Variants in ENO3 observed in about 807,000 individuals in gnomAD.
ENO3 encodes the protein enolase 3.
A neutral mutation model predicts 47.7 loss-of-function variants in ENO3; 46 were observed. The observed-to-expected ratio is 0.96, with a 90% CI of 0.76 to 1.23. The LOEUF is 1.23. Ranked by LOEUF, ENO3 falls within the 50% of genes most tolerant of loss-of-function variation. ENO3 has a pLI of 0.00. For synonymous variants in ENO3, 223 were observed against 225.9 expected (o/e 0.99, Z 0.11); for missense variants, 575 against 566.2 (o/e 1.02, Z -0.16).
At chr17:4,949,076 G>T (rs1267694599), upstream of ENO3, 1 of 152,026 alleles carries the variant, frequency 6.6e-6, no homozygotes, top group Non-Finnish European at 1.5e-5. Flanking sequence ...GACCCGTGTG[G>T]ACCCTGCGGG....
At position 4,956,959 on chromosome 17, in the gene ENO3, A is replaced by G. The variant is rs779826668; in HGVS notation, c.1236-19A>G. The G allele has an allele frequency of 5.6e-6, 9 of 1,614,098 alleles. No homozygotes were observed. Among genetic ancestry groups the G allele is most frequent in the South Asian group, 1.1e-5 (1 of 91,094 alleles). The stretch of plus-strand genomic sequence containing the variant: ...GTTAGGTTGGAAGTTCAGCAGCCCT[A>G]ACCTTGCCTGCATTCTAGGATCGAG... On this transcript the variant is annotated intron_variant, in intron 11 of 11. Coordinates refer to ENST00000519602, the MANE Select transcript of ENO3 (RefSeq NM_053013.4).
upstream of ENO3, chr17:4,950,502 G>C (rs1207901724): frequency 6.4e-6 from 6 of 940,862 alleles, no homozygotes; most frequent in Non-Finnish European, 7.6e-6. Flanking sequence ...GTTATCAGTC[G>C]GGCGCCTTGC....
At position 4,951,917 on chromosome 17, in the gene ENO3, A is replaced by G. The variant is rs771033376; in HGVS notation, c.85+3A>G. ...GGTGGACCTGCACACGGCCAAGGGT[A>G]ACACAAGGCCCATTGGATAGGCTCG... On this transcript the variant is annotated splice_donor_region_variant and intron_variant, in intron 2 of 11. Coordinates refer to ENST00000519602, the MANE Select transcript of ENO3 (RefSeq NM_053013.4). The G allele has an allele frequency of 9.3e-6, 15 of 1,614,112 alleles. No individual in the cohort carries two copies. Among genetic ancestry groups the G allele is most frequent in the Non-Finnish European group, 1.3e-5 (15 of 1,179,968 alleles).
Position 4,953,284 on chromosome 17 carries a change from G to A in ENO3, c.253G>A (p.Val85Met). The change falls in exon 5 of 12, where the codon GTG becomes ATG. Residue 85 changes from valine (V) to methionine (M), a missense_variant. Val to Met is a conservative substitution (Grantham distance 21). Coordinates refer to ENST00000519602, the MANE Select transcript of ENO3 (RefSeq NM_053013.4). ...PALLQKKLSV[V>M]DQEKVDKFMI... ...CTCACCCTTCCAGAAACTAAGCGTT[G>A]TGGATCAAGAAAAAGTTGACAAATT... The A allele has an allele frequency of 1.2e-6, 2 of 1,614,232 alleles. No homozygotes were observed. Among genetic ancestry groups the A allele is most frequent in the Non-Finnish European group, 1.7e-6 (2 of 1,180,046 alleles).
intron 2 of ENO3, 53 bp downstream of exon 2, chr17:4,951,967 C>G: frequency 6.3e-7 from 1 of 1,586,088 alleles, no homozygotes; most frequent in Non-Finnish European, 8.7e-7. Context: ...AACCCTTTGG[C>G]CTTTGCCCCC....
In ENO3 at chr17:4,953,816, G is replaced by A. The variant is rs1166269796; in HGVS notation, c.415G>A (p.Gly139Arg). The change falls in exon 6 of 12, where the codon GGG (glycine) becomes AGG (arginine). Residue 139 changes from glycine to arginine, a missense_variant. Physicochemically the swap from Gly to Arg is moderately radical, Grantham distance 125 (BLOSUM62 -2). Transcript: ENST00000519602. ...PLYRHIADLA[G>R]NPDLILPVPA... is the part of the protein sequence containing the mutation. ...GTACCGCCACATCGCAGATCTCGCTGGGAACCCTGACCTCATACTCCCAGT... is the reference window on the plus strand; with the variant it reads ...GTACCGCCACATCGCAGATCTCGCTAGGAACCCTGACCTCATACTCCCAGT... 6.2e-7 allele frequency: 1 copy of A among 1,614,152 alleles called. No individual in the cohort carries two copies. The highest frequency in any genetic ancestry group is 2.2e-5 in the East Asian group (1 of 44,876).
upstream of ENO3, chr17:4,948,777 G>A: frequency 4.3e-6 from 1 of 234,636 alleles, no homozygotes; most frequent in Non-Finnish European, 8.3e-6. Context: ...GGTAGGGTTT[G>A]CTCCAATTTG....
At position 4,951,686 on chromosome 17, in the gene ENO3, C is replaced by G. The variant is rs749762979; in HGVS notation, c.-2-142C>G. 48 of 895,644 alleles carry G rather than the reference C, an allele frequency of 5.4e-5. No individual in the cohort carries two copies. In the South Asian group the frequency reaches 6.3e-4, roughly 12 times the overall value. The allele number at this position is 895,644 out of a possible 1,614,324, so 55.5% of individuals were successfully genotyped here. Reference sequence around the variant, plus strand: ...GTGGGGGAGGGGGCTGCGCCTGCCTCTTTGGTCTGTGACCTTTTTGTAGGG... The same window carrying G: ...GTGGGGGAGGGGGCTGCGCCTGCCTGTTTGGTCTGTGACCTTTTTGTAGGG... On this transcript the variant is annotated intron_variant, in intron 1 of 11. Coordinates refer to ENST00000519602, the MANE Select transcript of ENO3 (RefSeq NM_053013.4).
chr17:4,952,272 G>A (rs1210436852), intron 2 of ENO3: 2 of 368,650 alleles, frequency 5.4e-6, no homozygotes, highest in Non-Finnish European at 1.1e-5. Context: ...TGCCTCCCGG[G>A]TTTAAGTGAT....
intron 4 of ENO3, 37 bp downstream of exon 4, chr17:4,953,146 C>G: frequency 6.2e-7 from 1 of 1,614,024 alleles, no homozygotes; most frequent in Non-Finnish European, 8.5e-7. Flanking sequence ...GCCTCCTCCC[C>G]ATGCCCCTGC....
rs2151141690 is a variant in ENO3, at chr17:4,954,087, G to A, written c.444+242G>A. ...CCAGTTCCTTCCCATTCCAATCCTA[G>A]GCTCGATAACTCCAGCCTCGTTCCA... On this transcript the variant is annotated intron_variant, in intron 6 of 11. Transcript: ENST00000519602. 6.1e-5 allele frequency: 38 copies of A among 623,366 alleles called. No individual in the cohort carries two copies. The South Asian group carries it at 7.3e-4, about 12-fold the overall frequency. 38.6% of individuals were successfully genotyped at this position (623,366 alleles called of 1,614,324 possible). A position where few individuals can be genotyped will look rare whatever the true frequency, so the allele number is the denominator to read the frequency against.
Position 4,956,608 on chromosome 17 carries a change from T to TG in ENO3, c.1105dup (p.Val369GlyfsTer9). The TG allele has an allele frequency of 6.2e-7, 1 of 1,614,180 alleles. No homozygotes were observed. The highest frequency in any genetic ancestry group is 1.3e-5 in the African/African-American group (1 of 75,054). The stretch of plus-strand genomic sequence containing the variant: ...GCTCAGTCTAATGGCTGGGGGGTGA[T>TG]GGTGAGCCACCGCTCTGGGGAGACT... On this transcript the variant is annotated frameshift_variant, in exon 10 of 12. Transcript: ENST00000519602. LOFTEE classifies it high-confidence loss of function.
At chr17:4,956,355 C>A in intron 9 of ENO3, 1 of 734,490 alleles carries the variant, frequency 1.4e-6, no homozygotes, top group Non-Finnish European at 2.3e-6. Context: ...CCACCCCCAG[C>A]CCACACCATT....
At chr17:4,955,894 C>T (rs5027279) in intron 8 of ENO3, 48 bp from the exon 9 acceptor site, 27 of 985,282 alleles carry the variant, frequency 2.7e-5, no homozygotes, top group African/African-American at 1.9e-4. Flanking sequence ...CTGTCTCTGC[C>T]CTGTCTCTGC....
intron 6 of ENO3, chr17:4,954,161 G>C (rs1453206828): frequency 2.2e-6 from 1 of 455,090 alleles, no homozygotes; most frequent in African/African-American, 2.0e-5. Context: ...TTGAGGCAAA[G>C]ATCTTGGCAT....
rs758851659 is a variant in ENO3, at chr17:4,955,277, A to G, written c.647A>G (p.Asn216Ser). 1.9e-6 allele frequency: 3 copies of G among 1,614,260 alleles called. No homozygotes were observed. The highest frequency in any genetic ancestry group is 2.5e-6 in the Non-Finnish European group (3 of 1,180,046). ...GGTGATGAAGGTGGCTTCGCACCCA[A>G]CATCCTGGAGAACAATGAGGGTCAG... ...NVGDEGGFAP[N>S]ILENNEALEL... is the part of the protein sequence containing the mutation. The change falls in exon 7 of 12, where the codon AAC (asparagine) becomes AGC (serine). Residue 216 changes from asparagine to serine, a missense_variant. Asn to Ser is a conservative substitution (Grantham distance 46, BLOSUM62 1). Coordinates refer to ENST00000519602, the MANE Select transcript of ENO3 (RefSeq NM_053013.4).
chr17:4,952,220 G>A lies in ENO3; in HGVS notation c.85+306G>A, dbSNP rs775937175. 20 of 430,782 alleles carry A rather than the reference G, an allele frequency of 4.6e-5. No homozygotes were observed. In the Middle Eastern group the frequency reaches 1.8e-3, roughly 39 times the overall value. The allele number at this position is 430,782 out of a possible 1,614,324, so 26.7% of individuals were successfully genotyped here. A position where few individuals can be genotyped will look rare whatever the true frequency, so the allele number is the denominator to read the frequency against. On this transcript the variant is annotated intron_variant, in intron 2 of 11. Transcript: ENST00000519602. ...GAGATGGAGTCTCGCTCTGTGGCCC[G>A]GGCTGGAGTGCAGTGGTGCAATCTC...
chr17:4,955,566 T>G lies in ENO3; in HGVS notation c.827T>G (p.Leu276Arg), dbSNP rs769513367. Residue 276 changes from leucine to arginine, a missense_variant, in exon 8 of 12, where the codon CTC becomes CGC. Leu to Arg is a moderately radical substitution (Grantham distance 102, BLOSUM62 -2). Coordinates refer to ENST00000519602, the MANE Select transcript of ENO3 (RefSeq NM_053013.4). Reference protein sequence around the residue: ...DPARHITGEKLGELYKSFIKN... With the variant: ...DPARHITGEKRGELYKSFIKN... The stretch of plus-strand genomic sequence containing the variant: ...GCACGGCACATCACTGGGGAGAAGC[T>G]CGGAGAGCTGTATAAGAGCTTTATC... 1 of 1,614,214 alleles carries G rather than the reference T, an allele frequency of 6.2e-7. No individual in the cohort carries two copies. The highest frequency in any genetic ancestry group is 1.1e-5 in the South Asian group (1 of 91,076).
At chr17:4,955,369 G>A (rs1317427015) in intron 7 of ENO3, 38 bp from the exon 8 acceptor site, 2 of 1,614,198 alleles carry the variant, frequency 1.2e-6, no homozygotes, top group African/African-American at 1.3e-5. Context: ...CAGACAAGGG[G>A]CACTGGAGTC....
Sources: allele counts gnomAD v4.1 joint callset, GRCh38; gene constraint gnomAD v4.1.1; transcripts MANE v1.5; gene names NCBI Gene and HGNC (gene_info 2026-07-23, HGNC 2026-07-21).